ST6GAL1: variants seen among roughly 807,000 people sequenced by gnomAD.
ST6GAL1 encodes the protein beta-galactoside alpha-2,6-sialyltransferase 1.
ST6GAL1 carries 20 observed loss-of-function variants against 38.0 expected under a neutral mutation model. That is an observed-to-expected ratio of 0.53 (90% confidence interval 0.37 to 0.77). ST6GAL1 has a LOEUF of 0.77. ST6GAL1 is among the 30% of genes least tolerant of loss of function. The probability of loss-of-function intolerance (pLI) is 0.00; values close to 1 mark genes in which losing one functional copy is unlikely to be tolerated. For synonymous variants in ST6GAL1, 196 were observed against 188.2 expected (o/e 1.04, Z -0.34); for missense variants, 432 against 496.4 (o/e 0.87, Z 1.23).
intron 2 of ST6GAL1, among the ~76,000 whole-genome samples, chr3:187,002,599 C>T (rs905958081): frequency 2.0e-5 from 3 of 152,338 alleles, no homozygotes; most frequent in African/African-American, 7.2e-5. Context: ...TCTCTGCCAA[C>T]ATCTCATCAA....
intron 2 of ST6GAL1, among the ~76,000 whole-genome samples, chr3:187,012,390 T>C (rs914684601): frequency 6.6e-6 from 1 of 152,132 alleles, no homozygotes. Flanking sequence ...CCTGAGTAGC[T>C]GGGATAACAG....
chr3:187,058,648 T>C (rs2108592918), intron 5 of ST6GAL1, among the ~76,000 whole-genome samples: 1 of 152,092 alleles, frequency 6.6e-6, no homozygotes, highest in African/African-American at 2.4e-5. Context: ...ATTATTATTA[T>C]TATTATTATT....
At chr3:186,960,541 G>A (rs1245683163) in intron 1 of ST6GAL1, among the ~76,000 whole-genome samples, 1 of 152,086 alleles carries the variant, frequency 6.6e-6, no homozygotes, top group Non-Finnish European at 1.5e-5. Flanking sequence ...TGAATTAAGT[G>A]GAAACTATAT....
chr3:187,005,033 A>G (rs915556836), intron 2 of ST6GAL1, among the ~76,000 whole-genome samples: 3 of 151,966 alleles, frequency 2.0e-5, no homozygotes, highest in Non-Finnish European at 2.9e-5. Context: ...GCCACCATCA[A>G]TAAGAAGTAC....
intron 2 of ST6GAL1, among the ~76,000 whole-genome samples, chr3:187,032,495 T>C (rs1717787358): frequency 6.6e-6 from 1 of 152,264 alleles, no homozygotes; most frequent in Admixed American, 6.5e-5. Context: ...AACAAATGCA[T>C]ACTGAGAGCT....
chr3:187,022,707 T>G (rs1717373430), intron 2 of ST6GAL1, among the ~76,000 whole-genome samples: 1 of 152,190 alleles, frequency 6.6e-6, no homozygotes, highest in Non-Finnish European at 1.5e-5. Context: ...GGCTTTGCAG[T>G]CCAAAGGCTG....
chr3:187,072,987 G>T lies in ST6GAL1; in HGVS notation c.804+40G>T, dbSNP rs201649316. The T allele has an allele frequency of 5.4e-6, 8 of 1,494,722 alleles. No individual in the cohort carries two copies. The East Asian group carries it at 1.8e-4, about 34-fold the overall frequency. 92.6% of individuals were successfully genotyped at this position (1,494,722 alleles called of 1,614,324 possible). On this transcript the variant is annotated intron_variant, in intron 6 of 7. Coordinates refer to ENST00000169298, the MANE Select transcript of ST6GAL1 (RefSeq NM_173216.2). ...GTGGGAAATAGGGGTTGAGTTTCCT[G>T]TCTGTCTACAGATTTTCCTGATTTC... is the stretch of plus-strand genomic sequence containing the variant.
intron 1 of ST6GAL1, chr3:186,931,431 A>C (rs867912498): frequency 1.3e-5 from 2 of 152,356 alleles, no homozygotes; most frequent in African/African-American, 4.8e-5. Context: ...GCCAGACTTA[A>C]AAAGGGAAAC....
intron 2 of ST6GAL1, among the ~76,000 whole-genome samples, chr3:187,005,904 C>A (rs531836876): frequency 6.6e-6 from 1 of 152,080 alleles, no homozygotes; most frequent in Admixed American, 6.5e-5. Flanking sequence ...TGGGAAAGCC[C>A]TTCAGTAACT....
intron 2 of ST6GAL1, among the ~76,000 whole-genome samples, chr3:186,981,238 G>A (rs910244884): frequency 5.3e-5 from 8 of 152,234 alleles, no homozygotes; most frequent in Admixed American, 2.6e-4. Flanking sequence ...TAGGCTGAAC[G>A]TGGAAAGAAG....
chr3:187,049,007 C>T (rs1292035388), intron 4 of ST6GAL1, among the ~76,000 whole-genome samples: 1 of 151,128 alleles, frequency 6.6e-6, no homozygotes, highest in Non-Finnish European at 1.5e-5. Flanking sequence ...TCTCCTGCCT[C>T]AGCCTCCAGA....
intron 1 of ST6GAL1, chr3:186,931,202 C>G (rs937724963): frequency 1.3e-5 from 2 of 152,648 alleles, no homozygotes; most frequent in Non-Finnish European, 2.9e-5. Context: ...TACGGATCGA[C>G]AAATTGAGGC....
At chr3:186,935,905 A>T (rs554536337) in intron 1 of ST6GAL1, among the ~76,000 whole-genome samples, 1 of 152,318 alleles carries the variant, frequency 6.6e-6, no homozygotes, top group East Asian at 1.9e-4. Flanking sequence ...AAAAAGAAAA[A>T]AACCCAGAAC....
rs938285947 is a variant in ST6GAL1 at position 186,986,794 on chromosome 3, C to A, written c.-183+22868C>A. 3.3e-5 allele frequency: 5 copies of A among 152,202 alleles called. No individual in the cohort carries two copies. In the East Asian group the frequency reaches 9.6e-4, roughly 29 times the overall value. 9.4% of individuals were successfully genotyped at this position (152,202 alleles called of 1,614,324 possible). On this transcript the variant is annotated intron_variant, in intron 2 of 7. Coordinates refer to ENST00000169298, the MANE Select transcript of ST6GAL1 (RefSeq NM_173216.2). ...GACCCCAGACTTGCGATCAGAAGAA[C>A]CTGATGTCAAATCAGATGCATCTTA...
chr3:186,961,055 C>G (rs185288439), intron 1 of ST6GAL1, among the ~76,000 whole-genome samples: 3 of 150,384 alleles, frequency 2.0e-5, no homozygotes, highest in African/African-American at 7.4e-5. Context: ...TGCAAATTTG[C>G]AAATTCCACC....
chr3:186,980,877 ATAGGT>A (rs1412072749), intron 2 of ST6GAL1, among the ~76,000 whole-genome samples: 8 of 152,152 alleles, frequency 5.3e-5, no homozygotes, highest in Non-Finnish European at 7.3e-5. Context: ...GTGTGCCTTT[ATAGGT>A]CCCTGTCACT....
chr3:186,947,308 C>A (rs1349254632), intron 1 of ST6GAL1, among the ~76,000 whole-genome samples: 1 of 152,110 alleles, frequency 6.6e-6, no homozygotes, highest in Non-Finnish European at 1.5e-5. Context: ...ACGAAAAGTG[C>A]AATGGTACAG....
Position 187,074,240 on chromosome 3 carries a change from C to A in ST6GAL1, c.886C>A (p.Leu296Ile), listed in dbSNP as rs980098029. The A allele has an allele frequency of 1.9e-6, 3 of 1,612,916 alleles. No individual in the cohort carries two copies. The highest frequency in any genetic ancestry group is 2.5e-6 in the Non-Finnish European group (3 of 1,179,566). ...GCACCCCAATCAGCCCTTTTACATC[C>A]TCAAGCCCCAGATGCCTTGGGAGCT... ...KLHPNQPFYI[L>I]KPQMPWELWD... Residue 296 changes from leucine to isoleucine, a missense_variant, in exon 7 of 8, where the codon CTC becomes ATC. Physicochemically the swap from Leu to Ile is conservative, Grantham distance 5. Transcript: ENST00000169298.
chr3:187,026,888 A>T (rs1717557577), intron 2 of ST6GAL1, among the ~76,000 whole-genome samples: 1 of 152,040 alleles, frequency 6.6e-6, no homozygotes, highest in Non-Finnish European at 1.5e-5. Context: ...TACTAAAAAC[A>T]CAAAAACAAA....
Sources: allele counts gnomAD v4.1 joint callset (sites outside exome capture counted in the v4.1 genomes callset), GRCh38; gene constraint gnomAD v4.1.1; transcripts MANE v1.5; gene names NCBI Gene and HGNC (gene_info 2026-07-23, HGNC 2026-07-21).